The following PCDHGA7 variants were observed in gnomAD, a reference collection of about 807,000 sequenced individuals.
PCDHGA7 encodes protocadherin gamma-A7.
PCDHGA7 carries 44 observed loss-of-function variants against 58.3 expected under a neutral mutation model. That is an observed-to-expected ratio of 0.75 (90% CI 0.59 to 0.97). PCDHGA7 has a LOEUF of 0.97. PCDHGA7 is among the 50% of genes least tolerant of loss of function. The pLI is 0.00. For synonymous variants in PCDHGA7, 516 were observed against 504.2 expected, an observed-to-expected ratio of 1.02 and a Z score of -0.31; for missense variants, 1,266 against 1,188.7, an observed-to-expected ratio of 1.06 and a Z score of -0.96.
chr5:141,484,941 C>T (rs2099604065), intron 1 of PCDHGA7: 2 of 543,888 alleles, frequency 3.7e-6, no homozygotes, highest in East Asian at 6.3e-5. Context: ...ACGTTCTCTG[C>T]TCAGCCTATT....
At chr5:141,434,784 A>T (rs967716221) in intron 1 of PCDHGA7, among the ~76,000 whole-genome samples, 11 of 150,278 alleles carry the variant, frequency 7.3e-5, no homozygotes, top group East Asian at 5.8e-4. Flanking sequence ...AAAAAAAAAA[A>T]TTTTTTTTTC....
intron 1 of PCDHGA7, chr5:141,428,734 A>G (rs922346225): frequency 1.9e-5 from 3 of 158,252 alleles, no homozygotes; most frequent in Non-Finnish European, 2.8e-5. Context: ...TAAACATATT[A>G]TATCTACTAT....
At chr5:141,422,786 C>T in intron 1 of PCDHGA7, 1 of 1,614,178 alleles carries the variant, frequency 6.2e-7, no homozygotes, top group Non-Finnish European at 8.5e-7. Context: ...GCCCTACAAT[C>T]CTTCGACTAT....
Position 141,408,306 on chromosome 5 carries a change from A to C in PCDHGA7, c.2424+22983A>C, listed in dbSNP as rs866086431. On this transcript the variant is annotated intron_variant, in intron 1 of 3. Transcript: ENST00000518325. Reference sequence around the variant, plus strand: ...CCCACCCTGAGTGAGCCGATCCGCTACTCGATTCCGGAGGAGCTGGCCAAG... The same window carrying C: ...CCCACCCTGAGTGAGCCGATCCGCTCCTCGATTCCGGAGGAGCTGGCCAAG... The C allele has an allele frequency of 1.2e-6, 2 of 1,613,586 alleles. No homozygotes were observed. Among genetic ancestry groups the C allele is most frequent in the South Asian group, 1.1e-5 (1 of 91,062 alleles).
Position 141,476,752 on chromosome 5 carries a change from A to T in PCDHGA7, c.2425-18055A>T, listed in dbSNP as rs771355583. On this transcript the variant is annotated intron_variant, in intron 1 of 3. Coordinates refer to ENST00000518325, the MANE Select transcript of PCDHGA7 (RefSeq NM_018920.4). This position sits in a 1 kb window ranked among gnomAD's most constrained non-coding sequence, Gnocchi z 7.6. ...GAGAACGGGAGCCTAGTCTCCAGTTAGTGCTGACGGCGTTGGACGGAGGGA... is the reference window on the plus strand; with the variant it reads ...GAGAACGGGAGCCTAGTCTCCAGTTTGTGCTGACGGCGTTGGACGGAGGGA... 1.2e-6 allele frequency: 2 copies of T among 1,613,926 alleles called. No individual in the cohort carries two copies. Among genetic ancestry groups the T allele is most frequent in the South Asian group, 2.2e-5 (2 of 91,080 alleles).
At position 141,454,796 on chromosome 5, in the gene PCDHGA7, A is replaced by ATTTTT. The variant is rs61612330; in HGVS notation, c.2425-39986_2425-39982dup. ...AAGGAAATAATCCTCCATGGTTCTA[A>ATTTTT]TTTTTTTTTTTTTTTTTTTTTTTTT... On this transcript the variant is annotated intron_variant, in intron 1 of 3. Coordinates refer to ENST00000518325, the MANE Select transcript of PCDHGA7 (RefSeq NM_018920.4). 4.5e-3 allele frequency among the ~76,000 whole-genome samples: 350 copies of ATTTTT among 77,444 alleles called. 39 individuals are homozygous for ATTTTT. The highest frequency in any genetic ancestry group is 0.016 in the African/African-American group (266 of 16,872). The allele number at this position is 77,444 out of a possible 152,430, so 50.8% of individuals were successfully genotyped here.
chr5:141,393,400 T>A (rs1427213486), intron 1 of PCDHGA7: 5 of 1,614,024 alleles, frequency 3.1e-6, no homozygotes, highest in Non-Finnish European at 4.2e-6. Context: ...GAGCTGGTGC[T>A]GGAGCGCGCC....
At chr5:141,488,525 G>A (rs1040463796) in intron 1 of PCDHGA7, among the ~76,000 whole-genome samples, 1 of 152,182 alleles carries the variant, frequency 6.6e-6, no homozygotes, top group African/African-American at 2.4e-5. Flanking sequence ...TGGGGTGTCA[G>A]AAAAGCTAAG....
At chr5:141,449,266 G>T (rs1398403120) in intron 1 of PCDHGA7, among the ~76,000 whole-genome samples, 1 of 152,042 alleles carries the variant, frequency 6.6e-6, no homozygotes, top group Non-Finnish European at 1.5e-5. Context: ...ACAAAGAACT[G>T]TATCTCCTTC....
At chr5:141,508,662 T>G (rs2099870759) in intron 3 of PCDHGA7, among the ~76,000 whole-genome samples, 1 of 152,122 alleles carries the variant, frequency 6.6e-6, no homozygotes, top group Non-Finnish European at 1.5e-5. Context: ...CCTGTCATTC[T>G]GTCTCTGCCT....
chr5:141,499,682 C>T, intron 2 of PCDHGA7, among the ~76,000 whole-genome samples: 1 of 148,196 alleles, frequency 6.7e-6, no homozygotes, highest in South Asian at 2.1e-4. Flanking sequence ...CCATCTTTAA[C>T]AGATGACTTT....
chr5:141,478,700 C>T (rs1171617240), intron 1 of PCDHGA7: 2 of 1,549,172 alleles, frequency 1.3e-6, no homozygotes, highest in South Asian at 1.2e-5. Flanking sequence ...AAAGTTAGTG[C>T]CTTTGTGAGA....
chr5:141,432,428 G>C lies in PCDHGA7; in HGVS notation c.2424+47105G>C. 6.2e-7 allele frequency: 1 copy of C among 1,614,232 alleles called. No homozygotes were observed. On this transcript the variant is annotated intron_variant, in intron 1 of 3. Coordinates refer to ENST00000518325, the MANE Select transcript of PCDHGA7 (RefSeq NM_018920.4). The surrounding 1 kb of genome is among the most constrained non-coding windows in gnomAD (Gnocchi z 6.0). ...GAGCCTGTTCGTGCTGGACCAGAAC[G>C]ACAATGCGCCCGAGATCCTGTACCC...
chr5:141,432,934 G>GC lies in PCDHGA7; in HGVS notation c.2424+47612dup. On this transcript the variant is annotated intron_variant, in intron 1 of 3. Transcript: ENST00000518325. The surrounding 1 kb of genome is among the most constrained non-coding windows in gnomAD (Gnocchi z 6.0). ...GGCGCTGGCACAAGTCACGCCTGCT[G>GC]CAGGCTTCAGGAGGCGGCTTGACAG... The GC allele has an allele frequency of 6.2e-7, 1 of 1,614,196 alleles. No individual in the cohort carries two copies. Among genetic ancestry groups the GC allele is most frequent in the Non-Finnish European group, 8.5e-7 (1 of 1,180,040 alleles).
rs372458558 is a variant in PCDHGA7, at chr5:141,384,112, G to A, written c.1213G>A (p.Val405Ile). Residue 405 changes from valine to isoleucine, a missense_variant, in exon 1 of 4, where the codon GTC becomes ATC. Physicochemically the swap from Val to Ile is conservative, Grantham distance 29. Transcript: ENST00000518325. ...EKSIDNYYRL[V>I]TTKNLDRETL... ...ATCAATAGATAATTATTATAGATTG[G>A]TCACAACCAAAAACTTGGACCGGGA... The A allele has an allele frequency of 8.1e-6, 13 of 1,605,274 alleles. No individual in the cohort carries two copies. The South Asian group carries it at 8.9e-5, about 11-fold the overall frequency.
In PCDHGA7 at chr5:141,511,131, C is replaced by T; in HGVS notation, c.2757C>T (p.Gly919=). ...GGGATGGCAAGGCCCCAGCAGGTGG[C>T]AATGGCAACAAGAAGAAGTCGGGCA... is the stretch of plus-strand genomic sequence containing the variant. ...GKRDGKAPAG[G]NGNKKKSGKK... is the part of the protein sequence containing the mutation. The change falls in exon 4 of 4, where the codon GGC becomes GGT. Residue 919 remains glycine (G), a synonymous_variant. Coordinates refer to ENST00000518325, the MANE Select transcript of PCDHGA7 (RefSeq NM_018920.4). 2 of 1,614,202 alleles carry T rather than the reference C, an allele frequency of 1.2e-6. No homozygotes were observed. Among genetic ancestry groups the T allele is most frequent in the Non-Finnish European group, 1.7e-6 (2 of 1,180,020 alleles).
intron 2 of PCDHGA7, among the ~76,000 whole-genome samples, chr5:141,502,865 T>C (rs538731947): frequency 3.0e-5 from 4 of 131,428 alleles, no homozygotes; most frequent in Non-Finnish European, 6.3e-5. Context: ...TGACTCTCTG[T>C]CTTTTTTTTT....
Position 141,383,690 on chromosome 5 carries a change from T to C in PCDHGA7, c.791T>C (p.Val264Ala). 3 of 1,614,010 alleles carry C rather than the reference T, an allele frequency of 1.9e-6. No individual in the cohort carries two copies. The highest frequency in any genetic ancestry group is 2.5e-6 in the Non-Finnish European group (3 of 1,179,876). ...CCAGTGGGTACAAGACTGCTCACGG[T>C]ACATGCTATCGACCTGGACGAGGGA... is the stretch of plus-strand genomic sequence containing the variant. ...NVPVGTRLLT[V>A]HAIDLDEGVN... The change falls in exon 1 of 4, where the codon GTA becomes GCA. Residue 264 changes from valine (V) to alanine (A), a missense_variant. Coordinates refer to ENST00000518325, the MANE Select transcript of PCDHGA7 (RefSeq NM_018920.4).
chr5:141,443,588 A>T (rs1479393074), intron 1 of PCDHGA7, among the ~76,000 whole-genome samples: 3 of 152,240 alleles, frequency 2.0e-5, no homozygotes, highest in Non-Finnish European at 4.4e-5. Context: ...CTAAAACAGA[A>T]TGTGGTATAT....
Sources: gnomAD v4.1 joint callset for allele counts (sites outside exome capture counted in the v4.1 genomes callset) on GRCh38, gnomAD v4.1.1 for gene constraint, Gnocchi (gnomAD v3.1) non-coding constraint, MANE v1.5 for transcripts, NCBI Gene and HGNC (gene_info 2026-07-23, HGNC 2026-07-21) for gene names.